CADM2: variants seen among roughly 807,000 people sequenced by gnomAD.
CADM2 encodes immunoglobulin superfamily member 4D.
In CADM2, 12 loss-of-function variants were observed where a neutral mutation model predicts 49.8. The observed-to-expected ratio is 0.24, with a 90% confidence interval of 0.15 to 0.39. CADM2 has a LOEUF of 0.39. Among genes scored for constraint, CADM2 ranks in the 10% least tolerant of loss-of-function variants. CADM2 has a pLI of 1.00. For synonymous variants in CADM2, 214 were observed against 175.4 expected (o/e 1.22, Z -1.74); for missense variants, 378 against 492.3 (o/e 0.77, Z 2.20).
At chr3:84,977,720 A>G (rs2031913724) in intron 1 of CADM2, among the ~76,000 whole-genome samples, 1 of 152,088 alleles carries the variant, frequency 6.6e-6, no homozygotes, top group African/African-American at 2.4e-5. Context: ...TAAAACTGGA[A>G]GAATACCACA....
At chr3:85,896,280 C>T (rs4129497) in intron 5 of CADM2, among the ~76,000 whole-genome samples, 99,849 of 151,922 alleles carry the variant, frequency 0.66, 33,430 homozygotes, top group African/African-American at 0.78. Context: ...AGTAAGACCT[C>T]GTCTCAAATA....
At chr3:85,589,510 T>G (rs1418769260) in intron 1 of CADM2, among the ~76,000 whole-genome samples, 1 of 152,034 alleles carries the variant, frequency 6.6e-6, no homozygotes, top group Non-Finnish European at 1.5e-5. Flanking sequence ...GGTACCAGAT[T>G]CCATGCTTCA....
At chr3:85,983,070 A>C (rs1341354229) in intron 8 of CADM2, among the ~76,000 whole-genome samples, 1 of 151,732 alleles carries the variant, frequency 6.6e-6, no homozygotes, top group African/African-American at 2.4e-5. Context: ...AACTCCTGCT[A>C]TTGCTGGATT....
At chr3:85,128,510 G>A (rs78491180) in intron 1 of CADM2, among the ~76,000 whole-genome samples, 4,595 of 152,208 alleles carry the variant, frequency 0.03, 100 homozygotes, top group South Asian at 0.044. Context: ...AGAAGTGAGA[G>A]ATAATAGAAT....
intron 8 of CADM2, among the ~76,000 whole-genome samples, chr3:86,030,449 T>G (rs2107144375): frequency 6.6e-6 from 1 of 152,176 alleles, no homozygotes; most frequent in East Asian, 1.9e-4. Context: ...CTCTATTTCA[T>G]ATTGTAATAT....
chr3:85,919,617 C>G (rs1718838980), intron 6 of CADM2, among the ~76,000 whole-genome samples: 2 of 151,778 alleles, frequency 1.3e-5, no homozygotes, highest in Non-Finnish European at 2.9e-5. Flanking sequence ...ATTCTAGTTA[C>G]CATGCGAATT....
At chr3:85,930,747 T>C (rs1720483716) in intron 6 of CADM2, among the ~76,000 whole-genome samples, 1 of 152,026 alleles carries the variant, frequency 6.6e-6, no homozygotes, top group Admixed American at 6.6e-5. Context: ...CAAAACAAAA[T>C]GATCTCCAGT....
At chr3:85,485,883 ACC>A (rs1254743751) in intron 1 of CADM2, among the ~76,000 whole-genome samples, 56 of 152,032 alleles carry the variant, frequency 3.7e-4, no homozygotes, top group Non-Finnish European at 6.5e-4. Context: ...GTAATACAAA[ACC>A]TTATAATGTA....
At chr3:85,988,828 G>GT (rs1728429408) in intron 8 of CADM2, among the ~76,000 whole-genome samples, 1 of 152,186 alleles carries the variant, frequency 6.6e-6, no homozygotes, top group Non-Finnish European at 1.5e-5. Flanking sequence ...GCCCAGAGCT[G>GT]TTTTGTTACT....
chr3:85,822,372 T>C (rs1308959885), intron 3 of CADM2, among the ~76,000 whole-genome samples: 1 of 151,992 alleles, frequency 6.6e-6, no homozygotes, highest in Non-Finnish European at 1.5e-5. Flanking sequence ...TCACTTGAGG[T>C]CAGGAGTTCA....
chr3:85,543,230 T>C (rs2061584199), intron 1 of CADM2, among the ~76,000 whole-genome samples: 1 of 100,704 alleles, frequency 9.9e-6, no homozygotes, highest in Non-Finnish European at 2.4e-5. Flanking sequence ...CCACAACTCT[T>C]TTTATTTATT....
intron 1 of CADM2, among the ~76,000 whole-genome samples, chr3:85,476,744 G>A (rs528555781): frequency 5.3e-5 from 8 of 151,958 alleles, no homozygotes; most frequent in African/African-American, 1.9e-4. Flanking sequence ...TAGATCCACA[G>A]AAGGAGCAGA....
chr3:85,321,105 T>C (rs2044590296), intron 1 of CADM2, among the ~76,000 whole-genome samples: 3 of 37,254 alleles, frequency 8.1e-5, no homozygotes, highest in Non-Finnish European at 1.8e-4. Context: ...TATATATATA[T>C]ATATATATAT....
intron 1 of CADM2, among the ~76,000 whole-genome samples, chr3:85,511,003 TA>T (rs2040590087): frequency 6.6e-6 from 1 of 152,120 alleles, no homozygotes; most frequent in Admixed American, 6.6e-5. Context: ...GATGTAATTA[TA>T]TTGGAATTTT....
rs558131176 is a variant in CADM2 at position 85,276,318 on chromosome 3, T to C, written c.61+316650T>C. ...AGTATCTGTCATCAGCAGTCGTTGC[T>C]ACTGAAATGATGTACTTTGACGTAA... On this transcript the variant is annotated intron_variant, in intron 1 of 9. Transcript: ENST00000383699. 1.3e-4 allele frequency among the ~76,000 whole-genome samples: 20 copies of C among 151,494 alleles called. No individual in the cohort carries two copies. In the East Asian group the frequency reaches 3.7e-3, roughly 28 times the overall value.
At chr3:86,045,210 TAAAA>T in intron 8 of CADM2, among the ~76,000 whole-genome samples, 1 of 147,528 alleles carries the variant, frequency 6.8e-6, no homozygotes, top group African/African-American at 2.5e-5. Context: ...CGTATAATAA[TAAAA>T]AAAAAAGATA....
At chr3:85,007,032 A>C (rs921248542) in intron 1 of CADM2, among the ~76,000 whole-genome samples, 1 of 152,134 alleles carries the variant, frequency 6.6e-6, no homozygotes, top group African/African-American at 2.4e-5. Flanking sequence ...ATATATTTAC[A>C]GTGTATTTAG....
At chr3:85,968,111 C>T (rs1040515621) in intron 8 of CADM2, among the ~76,000 whole-genome samples, 1 of 151,632 alleles carries the variant, frequency 6.6e-6, no homozygotes, top group African/African-American at 2.4e-5. Flanking sequence ...GGTTGCTGCT[C>T]TCATCTCTGG....
chr3:85,706,005 T>TA (rs1277291543), intron 1 of CADM2, among the ~76,000 whole-genome samples: 1 of 152,186 alleles, frequency 6.6e-6, no homozygotes, highest in Non-Finnish European at 1.5e-5. Flanking sequence ...ATTTATCTCT[T>TA]AAAAAATGTT....
Sources: gnomAD v4.1 joint callset for allele counts (sites outside exome capture counted in the v4.1 genomes callset) on GRCh38, gnomAD v4.1.1 for gene constraint, MANE v1.5 for transcripts, NCBI Gene and HGNC (gene_info 2026-07-23, HGNC 2026-07-21) for gene names.